Variants in ATIC observed in about 807,000 individuals in gnomAD.
ATIC encodes the protein 5-aminoimidazole-4-carboxamide ribonucleotide formyltransferase/IMP cyclohydrolase.
ATIC carries 64 observed loss-of-function variants against 72.5 expected under a neutral mutation model. The ratio of observed to expected loss-of-function variants is 0.88; its 90% CI spans 0.72 to 1.09. The LOEUF is 1.09. ATIC is among the 50% of genes least tolerant of loss of function. The probability of loss-of-function intolerance (pLI) is 0.00; values close to 1 mark genes in which losing one functional copy is unlikely to be tolerated. For synonymous variants in ATIC, 281 were observed against 267.1 expected (o/e 1.05, Z -0.51); for missense variants, 787 against 732.4 (o/e 1.07, Z -0.86).
At position 215,312,522 on chromosome 2, in the gene ATIC, C is replaced by G. The variant is rs745383335; in HGVS notation, c.44C>G (p.Thr15Ser). Reference sequence around the variant, plus strand: ...GCCTTATTTAGTGTCTCTGACAAAACCGGCCTTGTGGAATTTGCAAGAAAC... The same window carrying G: ...GCCTTATTTAGTGTCTCTGACAAAAGCGGCCTTGTGGAATTTGCAAGAAAC... ...QLALFSVSDK[T>S]GLVEFARNLT... The change falls in exon 2 of 16, where the codon ACC becomes AGC. Residue 15 changes from threonine (T) to serine (S), a missense_variant. Coordinates refer to ENST00000236959, the MANE Select transcript of ATIC (RefSeq NM_004044.7). The G allele has an allele frequency of 3.7e-6, 6 of 1,614,206 alleles. No individual in the cohort carries two copies. The East Asian group carries it at 1.1e-4, about 30-fold the overall frequency.
chr2:215,326,599 G>T (rs543511955), intron 6 of ATIC, among the ~76,000 whole-genome samples: 1 of 149,900 alleles, frequency 6.7e-6, no homozygotes, highest in East Asian at 2.0e-4. Context: ...AGCAGAGTGA[G>T]ACTTTGTCTC....
At chr2:215,361,682 G>C in the ATIC span, 1 of 1,321,604 alleles carries the variant, frequency 7.6e-7, no homozygotes, top group African/African-American at 1.5e-5. Context: ...AAAGTGTACA[G>C]AAAAAAAAAT....
chr2:215,330,826 G>T (rs2052884446), intron 7 of ATIC, among the ~76,000 whole-genome samples: 1 of 151,596 alleles, frequency 6.6e-6, no homozygotes, highest in Non-Finnish European at 1.5e-5. Context: ...TTACAGGCAT[G>T]CACCACCATG....
At chr2:215,320,843 A>G (rs2052758980) in intron 4 of ATIC, among the ~76,000 whole-genome samples, 1 of 152,136 alleles carries the variant, frequency 6.6e-6, no homozygotes, top group South Asian at 2.1e-4. Flanking sequence ...CGGCCTCCCA[A>G]AGTGCTGGGA....
At chr2:215,365,813 T>A in the ATIC span, 1,622 of 255,896 alleles carry the variant, frequency 6.3e-3, 3 homozygotes, top group South Asian at 0.017. Flanking sequence ...TTTATTTTTT[T>A]TTTTTTTTTT....
intron 2 of ATIC, among the ~76,000 whole-genome samples, chr2:215,313,560 C>G (rs759814215): frequency 2.6e-5 from 4 of 152,064 alleles, no homozygotes; most frequent in Non-Finnish European, 5.9e-5. Flanking sequence ...TTGGGAGGAA[C>G]GAGATGACCA....
intron 15 of ATIC, 141 bp downstream of exon 15, chr2:215,349,390 G>A: frequency 6.4e-7 from 1 of 1,555,084 alleles, no homozygotes; most frequent in Non-Finnish European, 8.8e-7. Flanking sequence ...CTTCTCCATT[G>A]GGTGGATGGA....
At chr2:215,343,296 T>C (rs756526144) in intron 12 of ATIC, among the ~76,000 whole-genome samples, 128 of 152,182 alleles carry the variant, frequency 8.4e-4, no homozygotes, top group Non-Finnish European at 7.8e-4. Flanking sequence ...AAAATGTCTG[T>C]CTTTTGCCCA....
rs2052664986 is a variant in ATIC, at chr2:215,312,524, G to A, written c.46G>A (p.Gly16Ser). The A allele has an allele frequency of 6.2e-7, 1 of 1,614,062 alleles. No individual in the cohort carries two copies. The highest frequency in any genetic ancestry group is 8.5e-7 in the Non-Finnish European group (1 of 1,180,042). ...LALFSVSDKTGLVEFARNLTA... is the reference protein window; with the variant it reads ...LALFSVSDKTSLVEFARNLTA... ...CTTATTTAGTGTCTCTGACAAAACCGGCCTTGTGGAATTTGCAAGAAACCT... is the reference window on the plus strand; with the variant it reads ...CTTATTTAGTGTCTCTGACAAAACCAGCCTTGTGGAATTTGCAAGAAACCT... Residue 16 changes from glycine (G) to serine (S), a missense_variant, in exon 2 of 16, where the codon GGC becomes AGC. Physicochemically the swap from Gly to Ser is moderately conservative, Grantham distance 56. Transcript: ENST00000236959.
chr2:215,339,637 T>G (rs73089321), intron 12 of ATIC, among the ~76,000 whole-genome samples: 4,775 of 152,270 alleles, frequency 0.031, 189 homozygotes, highest in African/African-American at 0.093. Context: ...ATTTATTTTT[T>G]TATTTTATTT....
chr2:215,319,681 T>C lies in ATIC; in HGVS notation c.240T>C (p.Asn80=). 6.2e-7 allele frequency: 1 copy of C among 1,611,208 alleles called. No homozygotes were observed. Among genetic ancestry groups the C allele is most frequent in the Non-Finnish European group, 8.5e-7 (1 of 1,177,338 alleles). Residue 80 remains asparagine (N), a synonymous_variant, in exon 4 of 16, where the codon AAT becomes AAC. Transcript: ENST00000236959. Reference sequence around the variant, plus strand: ...TTAAATTAGGAATCCTAGCTCGTAATATTCCAGAAGATAATGCTGACATGG... The same window carrying C: ...TTAAATTAGGAATCCTAGCTCGTAACATTCCAGAAGATAATGCTGACATGG... ...PAVHAGILAR[N]IPEDNADMAR...
intron 4 of ATIC, among the ~76,000 whole-genome samples, chr2:215,324,538 C>T (rs1206309935): frequency 2.0e-5 from 3 of 152,086 alleles, no homozygotes; most frequent in Admixed American, 6.6e-5. Flanking sequence ...AGATGAGCTG[C>T]AAAATGTTTC....
chr2:215,353,479 T>C (rs13012742), downstream of ATIC, among the ~76,000 whole-genome samples: 39,193 of 152,100 alleles, frequency 0.26, 5,999 homozygotes, highest in South Asian at 0.47. Flanking sequence ...GTGCCTCCAG[T>C]TTCTCCTCTT....
intron 12 of ATIC, among the ~76,000 whole-genome samples, chr2:215,343,663 T>C (rs1473765831): frequency 6.6e-6 from 1 of 152,178 alleles, no homozygotes; most frequent in African/African-American, 2.4e-5. Context: ...AGTTTTTTTA[T>C]GTTTTAGGTG....
At chr2:215,321,814 G>A (rs972167592) in intron 4 of ATIC, among the ~76,000 whole-genome samples, 1 of 152,174 alleles carries the variant, frequency 6.6e-6, no homozygotes, top group East Asian at 1.9e-4. Context: ...TTTAGTTGAG[G>A]TATTTATCTG....
intron 12 of ATIC, among the ~76,000 whole-genome samples, chr2:215,339,241 TG>T (rs2052990567): frequency 6.6e-6 from 1 of 152,236 alleles, no homozygotes; most frequent in Admixed American, 6.5e-5. Flanking sequence ...ATATAGATGC[TG>T]GGTGCAGTAG....
chr2:215,321,180 T>TA (rs1381653623), intron 4 of ATIC, among the ~76,000 whole-genome samples: 4 of 152,220 alleles, frequency 2.6e-5, no homozygotes, highest in African/African-American at 9.6e-5. Context: ...CACCAATTGT[T>TA]ACGTGTCTGA....
the ATIC span, among the ~76,000 whole-genome samples, chr2:215,357,266 G>T: frequency 6.6e-6 from 1 of 152,152 alleles, no homozygotes; most frequent in Non-Finnish European, 1.5e-5. Context: ...GGGCCCAATG[G>T]GAGACTCCTT....
chr2:215,330,355 C>T (rs2052877490), intron 7 of ATIC, among the ~76,000 whole-genome samples: 1 of 152,018 alleles, frequency 6.6e-6, no homozygotes, highest in Non-Finnish European at 1.5e-5. Context: ...TTAAAACGGG[C>T]TTTATTTTTT....
Sources: allele counts gnomAD v4.1 joint callset (sites outside exome capture counted in the v4.1 genomes callset), GRCh38; gene constraint gnomAD v4.1.1; transcripts MANE v1.5; gene names NCBI Gene and HGNC (gene_info 2026-07-23, HGNC 2026-07-21).